MACROD2: variants seen among roughly 807,000 people sequenced by gnomAD.
MACROD2 encodes the protein ADP-ribose glycohydrolase MACROD2.
MACROD2 carries 36 observed loss-of-function variants against 70.4 expected under a neutral mutation model. The observed-to-expected ratio is 0.51, with a 90% CI of 0.39 to 0.68. The LOEUF is 0.68. MACROD2 is among the 30% of genes least tolerant of loss of function. The probability of loss-of-function intolerance (pLI) is 0.00; values close to 1 mark genes in which losing one functional copy is unlikely to be tolerated. For missense variants in MACROD2, 496 were observed against 538.4 expected (o/e 0.92, Z 0.78); for synonymous variants, 172 against 178.8 (o/e 0.96, Z 0.30).
intron 8 of MACROD2, among the ~76,000 whole-genome samples, chr20:15,764,399 T>C (rs530478256): frequency 6.6e-6 from 1 of 152,332 alleles, no homozygotes; most frequent in African/African-American, 2.4e-5. Flanking sequence ...TACAGGGATG[T>C]CTAATAGGCA....
intron 8 of MACROD2, among the ~76,000 whole-genome samples, chr20:15,808,791 TAGG>T (rs1225347478): frequency 6.6e-6 from 1 of 152,182 alleles, no homozygotes; most frequent in Non-Finnish European, 1.5e-5. Flanking sequence ...TTTAATCAAT[TAGG>T]AGGCTCATAT....
chr20:15,036,545 T>C (rs1244020690), intron 5 of MACROD2, among the ~76,000 whole-genome samples: 1 of 152,172 alleles, frequency 6.6e-6, no homozygotes, highest in Non-Finnish European at 1.5e-5. Flanking sequence ...ACTGCTGCTC[T>C]ACATCATCAT....
intron 8 of MACROD2, among the ~76,000 whole-genome samples, chr20:15,616,937 C>T (rs2049047694): frequency 6.6e-6 from 1 of 152,182 alleles, no homozygotes; most frequent in Non-Finnish European, 1.5e-5. Context: ...TAATGCTTTT[C>T]CTTCTGTTCA....
At chr20:14,903,093 G>A (rs1473004074) in intron 5 of MACROD2, among the ~76,000 whole-genome samples, 1 of 144,372 alleles carries the variant, frequency 6.9e-6, no homozygotes, top group Non-Finnish European at 1.5e-5. Context: ...CCAGGCTGGA[G>A]TGCAATGGTG....
At chr20:16,014,051 C>T (rs1036267567) in intron 15 of MACROD2, among the ~76,000 whole-genome samples, 1 of 152,200 alleles carries the variant, frequency 6.6e-6, no homozygotes, top group Non-Finnish European at 1.5e-5. Context: ...CTCAAATTAA[C>T]ATCCAGCCTT....
intron 3 of MACROD2, among the ~76,000 whole-genome samples, chr20:14,416,306 A>C (rs2083804656): frequency 6.6e-6 from 1 of 152,160 alleles, no homozygotes; most frequent in Non-Finnish European, 1.5e-5. Flanking sequence ...CTGTTAATAT[A>C]AAATTAATCC....
At chr20:15,913,091 T>TA (rs1385188878) in intron 10 of MACROD2, among the ~76,000 whole-genome samples, 1 of 152,062 alleles carries the variant, frequency 6.6e-6, no homozygotes, top group Admixed American at 6.6e-5. Context: ...AATGTATTAT[T>TA]AAAAAAACCA....
At chr20:14,933,754 A>T (rs1331856227) in intron 5 of MACROD2, 1 of 152,222 alleles carries the variant, frequency 6.6e-6, no homozygotes, top group Non-Finnish European at 1.5e-5. Context: ...ATCTGCAGAA[A>T]ATAGCCATTT....
intron 5 of MACROD2, among the ~76,000 whole-genome samples, chr20:14,981,021 A>AGT (rs11468972): frequency 0.095 from 13,580 of 143,376 alleles, 724 homozygotes; most frequent in African/African-American, 0.16. Context: ...TACAAAAAGA[A>AGT]GTGTGTGTGT....
intron 15 of MACROD2, among the ~76,000 whole-genome samples, chr20:15,988,262 A>G (rs1346822199): frequency 2.0e-5 from 3 of 152,158 alleles, no homozygotes; most frequent in African/African-American, 7.2e-5. Context: ...TAAAGGGTAT[A>G]TTCAAAGTTA....
intron 9 of MACROD2, among the ~76,000 whole-genome samples, chr20:15,873,337 C>CT (rs1198131338): frequency 6.6e-6 from 1 of 151,910 alleles, no homozygotes; most frequent in African/African-American, 2.4e-5. Flanking sequence ...TTTTTCCTAC[C>CT]TTTCTCAGTG....
At chr20:14,926,171 T>G (rs1022376101) in intron 5 of MACROD2, among the ~76,000 whole-genome samples, 38 of 152,218 alleles carry the variant, frequency 2.5e-4, no homozygotes, top group South Asian at 2.1e-4. Flanking sequence ...AGAGTTTGTT[T>G]GTTTGTTTGT....
At chr20:15,605,984 A>G (rs377012154) in intron 8 of MACROD2, among the ~76,000 whole-genome samples, 3 of 152,156 alleles carry the variant, frequency 2.0e-5, no homozygotes, top group Non-Finnish European at 2.9e-5. Flanking sequence ...AACTGATTAC[A>G]TACTCCCTTA....
intron 8 of MACROD2, among the ~76,000 whole-genome samples, chr20:15,654,090 ACAG>A (rs1367217046): frequency 3.3e-5 from 5 of 152,164 alleles, no homozygotes; most frequent in African/African-American, 9.7e-5. Flanking sequence ...ACCCTCCCAA[ACAG>A]CAGGCTGCGC....
chr20:14,067,043 C>A (rs1226397626), intron 2 of MACROD2, among the ~76,000 whole-genome samples: 1 of 151,078 alleles, frequency 6.6e-6, no homozygotes, highest in African/African-American at 2.4e-5. Context: ...AATCTCCTGA[C>A]CTCGTGATCC....
intron 3 of MACROD2, among the ~76,000 whole-genome samples, chr20:14,350,315 G>T (rs530910676): frequency 6.6e-6 from 1 of 151,986 alleles, no homozygotes; most frequent in Admixed American, 6.5e-5. Flanking sequence ...ACTGTTCTCC[G>T]TAGTGGTTGT....
intron 3 of MACROD2, among the ~76,000 whole-genome samples, chr20:14,183,688 C>T (rs1443098529): frequency 1.3e-5 from 2 of 152,134 alleles, no homozygotes; most frequent in Non-Finnish European, 2.9e-5. Flanking sequence ...TCTACAACCA[C>T]ACTAGCATCT....
Position 15,870,631 on chromosome 20 carries a change from T to C in MACROD2, c.727+7805T>C, listed in dbSNP as rs1032589867. 2.6e-5 allele frequency among the ~76,000 whole-genome samples: 4 copies of C among 152,154 alleles called. No individual in the cohort carries two copies. The East Asian group carries it at 7.7e-4, about 29-fold the overall frequency. On this transcript the variant is annotated intron_variant, in intron 9 of 17. Transcript: ENST00000684519. ...TGATGTCTTCCACCATGTGATGATG[T>C]AGCAGGAAGACCCTCACCAGATGCC...
chr20:15,122,658 A>G (rs993563762), intron 5 of MACROD2, among the ~76,000 whole-genome samples: 2 of 152,150 alleles, frequency 1.3e-5, no homozygotes, highest in African/African-American at 4.8e-5. Context: ...TTTTTCATTA[A>G]TGTAGAGCTT....
Sources: gnomAD v4.1 joint callset for allele counts (sites outside exome capture counted in the v4.1 genomes callset) on GRCh38, gnomAD v4.1.1 for gene constraint, MANE v1.5 for transcripts, NCBI Gene and HGNC (gene_info 2026-07-23, HGNC 2026-07-21) for gene names.